PCDH15: variants seen among roughly 807,000 people sequenced by gnomAD.
PCDH15 encodes the protein protocadherin related 15.
In PCDH15, 129 loss-of-function variants were observed where a neutral mutation model predicts 178.5. The observed-to-expected ratio is 0.72, with a 90% confidence interval of 0.63 to 0.84. The LOEUF (loss-of-function observed/expected upper bound fraction) is 0.84. Among genes scored for constraint, PCDH15 ranks in the 40% least tolerant of loss-of-function variants. PCDH15 has a pLI of 0.00. For missense variants in PCDH15, 2,230 were observed against 2,099.9 expected, an observed-to-expected ratio of 1.06 and a Z score of -1.21; for synonymous variants, 800 against 732.0, an observed-to-expected ratio of 1.09 and a Z score of -1.50.
chr10:54,449,603 G>A (rs569351929), intron 3 of PCDH15, among the ~76,000 whole-genome samples: 1 of 151,880 alleles, frequency 6.6e-6, no homozygotes, highest in East Asian at 1.9e-4. Flanking sequence ...TGAACTGTAG[G>A]TTTTGAGAAA....
intron 8 of PCDH15, among the ~76,000 whole-genome samples, chr10:54,264,679 G>C (rs1036549195): frequency 6.6e-6 from 1 of 152,050 alleles, no homozygotes; most frequent in Non-Finnish European, 1.5e-5. Flanking sequence ...CTTGAAGACT[G>C]ATTCTTCAAA....
rs577162451 is a variant in PCDH15, at chr10:55,184,087, G to T, written c.-155-17436C>A. Among the ~76,000 whole-genome samples the T allele has an allele frequency of 1.1e-3, 173 of 151,962 alleles. 2 individuals carry two copies. Among genetic ancestry groups the T allele is most frequent in the Middle Eastern group, 6.8e-3 (2 of 294 alleles). On this transcript the variant is annotated intron_variant, in intron 1 of 5. Transcript: ENST00000458638. Reference sequence around the variant, plus strand: ...TTTTACAGACAGTGTATGTGACCCTGCATGGTAAAAGGCAGTGGTGGGAGA... The same window carrying T: ...TTTTACAGACAGTGTATGTGACCCTTCATGGTAAAAGGCAGTGGTGGGAGA...
intron 18 of PCDH15, among the ~76,000 whole-genome samples, chr10:54,038,130 G>A (rs936208812): frequency 6.6e-6 from 1 of 151,944 alleles, no homozygotes; most frequent in Non-Finnish European, 1.5e-5. Context: ...AATATTTCCA[G>A]AGCTTGGTTT....
intron 2 of PCDH15, among the ~76,000 whole-genome samples, chr10:55,074,968 G>A (rs569802265): frequency 2.0e-5 from 3 of 152,060 alleles, no homozygotes; most frequent in South Asian, 2.1e-4. Context: ...TTTATTAAAC[G>A]GGGAATGCTT....
intron 2 of PCDH15, among the ~76,000 whole-genome samples, chr10:54,537,024 G>A (rs889636529): frequency 3.0e-4 from 26 of 86,998 alleles, no homozygotes; most frequent in African/African-American, 1.3e-3. Context: ...TTTTTGAGAC[G>A]GCGTCTCTCT....
At chr10:54,990,010 C>T (rs1423837973) in intron 2 of PCDH15, among the ~76,000 whole-genome samples, 4 of 152,166 alleles carry the variant, frequency 2.6e-5, no homozygotes, top group African/African-American at 7.2e-5. Context: ...TGCTGCCCTC[C>T]ATGTAAGATG....
At chr10:54,840,238 T>C (rs1953395127) in intron 3 of PCDH15, among the ~76,000 whole-genome samples, 1 of 151,932 alleles carries the variant, frequency 6.6e-6, no homozygotes, top group African/African-American at 2.4e-5. Flanking sequence ...TAAAAATAAC[T>C]ACAACTACAA....
chr10:54,124,943 C>T (rs1482032763), intron 15 of PCDH15, among the ~76,000 whole-genome samples: 1 of 152,174 alleles, frequency 6.6e-6, no homozygotes, highest in Non-Finnish European at 1.5e-5. Context: ...GGAACAAGAT[C>T]AATTCTGTAG....
At chr10:54,855,210 C>T (rs1465892702) in intron 3 of PCDH15, among the ~76,000 whole-genome samples, 2 of 152,174 alleles carry the variant, frequency 1.3e-5, no homozygotes, top group Admixed American at 6.5e-5. Flanking sequence ...CCTTCCCAGG[C>T]CTCTAAAGGT....
intron 16 of PCDH15, among the ~76,000 whole-genome samples, chr10:54,086,747 C>A (rs746778169): frequency 1.3e-5 from 2 of 152,144 alleles, no homozygotes; most frequent in South Asian, 2.1e-4. Context: ...ATCACACAAC[C>A]ATTATAGGGA....
At chr10:54,913,710 C>A (rs543221257) in intron 2 of PCDH15, among the ~76,000 whole-genome samples, 6 of 152,318 alleles carry the variant, frequency 3.9e-5, no homozygotes, top group African/African-American at 1.4e-4. Flanking sequence ...GGGTGATCTA[C>A]CCTGCAGAGC....
At chr10:54,966,641 T>A (rs1838798661) in intron 2 of PCDH15, among the ~76,000 whole-genome samples, 1 of 152,056 alleles carries the variant, frequency 6.6e-6, no homozygotes. Context: ...CAGTGGGAGA[T>A]CATTGAATCA....
chr10:55,080,020 C>A (rs1271139293), intron 2 of PCDH15, among the ~76,000 whole-genome samples: 1 of 152,068 alleles, frequency 6.6e-6, no homozygotes, highest in Non-Finnish European at 1.5e-5. Flanking sequence ...AGGGCTCAGG[C>A]TACAACATAG....
intron 29 of PCDH15, among the ~76,000 whole-genome samples, chr10:53,835,929 T>C (rs574111680): frequency 4.6e-5 from 7 of 152,206 alleles, no homozygotes; most frequent in East Asian, 1.9e-4. Flanking sequence ...GGTGTAAGAA[T>C]AGGAACAAAT....
At chr10:54,317,766 A>G (rs917492888) in intron 7 of PCDH15, among the ~76,000 whole-genome samples, 3 of 151,962 alleles carry the variant, frequency 2.0e-5, no homozygotes, top group Non-Finnish European at 2.9e-5. Flanking sequence ...AGTGAGACTC[A>G]GTCTCAAAAA....
At chr10:54,764,752 G>A (rs951781573) in intron 1 of PCDH15, among the ~76,000 whole-genome samples, 1 of 152,084 alleles carries the variant, frequency 6.6e-6, no homozygotes, top group African/African-American at 2.4e-5. Context: ...CTGAGTATAT[G>A]TCAGGGAAGT....
chr10:54,473,324 T>C (rs999045786), intron 3 of PCDH15, among the ~76,000 whole-genome samples: 4 of 152,138 alleles, frequency 2.6e-5, no homozygotes, highest in Admixed American at 1.3e-4. Flanking sequence ...AACTAAAACA[T>C]ATCCAAAGAT....
rs189589445 is a variant in PCDH15, at chr10:54,715,907, G to A, written c.-28-51617C>T. Reference sequence around the variant, plus strand: ...GAATCTGTGCTGCCCCTCCCTTCAGGTGCAGAGATTGTGGTACATTGGTGC... The same window carrying A: ...GAATCTGTGCTGCCCCTCCCTTCAGATGCAGAGATTGTGGTACATTGGTGC... On this transcript the variant is annotated intron_variant, in intron 1 of 37. Transcript: ENST00000644397. 9.2e-5 allele frequency among the ~76,000 whole-genome samples: 14 copies of A among 152,126 alleles called. No individual in the cohort carries two copies. The East Asian group carries it at 2.7e-3, about 29-fold the overall frequency.
At chr10:54,963,825 G>A (rs1025342217) in intron 2 of PCDH15, among the ~76,000 whole-genome samples, 1 of 152,178 alleles carries the variant, frequency 6.6e-6, no homozygotes, top group African/African-American at 2.4e-5. Flanking sequence ...CCAGGGTGTT[G>A]TTCTAGGTCC....
Sources: gnomAD v4.1 joint callset for allele counts (sites outside exome capture counted in the v4.1 genomes callset) on GRCh38, gnomAD v4.1.1 for gene constraint, MANE v1.5 for transcripts, NCBI Gene and HGNC (gene_info 2026-07-23, HGNC 2026-07-21) for gene names.